Variants in RAI1 observed in about 807,000 individuals in gnomAD.
RAI1 encodes the protein retinoic acid-induced protein 1.
Under a neutral mutation model 123.8 loss-of-function variants are expected in RAI1, and 9 were observed. That is an observed-to-expected ratio of 0.07 (90% CI 0.04 to 0.13). The LOEUF is 0.13. RAI1 is among the 10% of genes least tolerant of loss of function. The pLI is 1.00. For missense variants in RAI1, 2,256 were observed against 2,545.8 expected, an observed-to-expected ratio of 0.89 and a Z score of 2.45; for synonymous variants, 1,231 against 1,127.3, an observed-to-expected ratio of 1.09 and a Z score of -1.84.
intron 2 of RAI1, among the ~76,000 whole-genome samples, chr17:17,769,207 A>AG (rs2031051603): frequency 6.6e-6 from 1 of 152,264 alleles, no homozygotes; most frequent in African/African-American, 2.4e-5. Flanking sequence ...CAGAAGAGCC[A>AG]GGGTATCTGA....
chr17:17,770,006 T>G (rs1478166731), intron 2 of RAI1, among the ~76,000 whole-genome samples: 1 of 152,034 alleles, frequency 6.6e-6, no homozygotes, highest in African/African-American at 2.4e-5. Flanking sequence ...GGGGGGGCCC[T>G]GCCCAGGGTG....
At position 17,798,178 on chromosome 17, in the gene RAI1, G is replaced by A. The variant is rs1479535453; in HGVS notation, c.5230G>A (p.Glu1744Lys). 8.1e-6 allele frequency: 13 copies of A among 1,612,532 alleles called. No homozygotes were observed. The highest frequency in any genetic ancestry group is 2.7e-5 in the African/African-American group (2 of 74,942). ...GCTTGAGAGAACACTCAAAGGTCCC[G>A]AGTGTGCAGCTGCCGCCACTGCCGG... ...LPLERTLKGP[E>K]CAAAATAGKP... is the part of the protein sequence containing the mutation. Residue 1744 changes from glutamate (E) to lysine (K), a missense_variant, in exon 3 of 6, where the codon GAG (glutamate) becomes AAG (lysine). Coordinates refer to ENST00000353383, the MANE Select transcript of RAI1 (RefSeq NM_030665.4).
chr17:17,783,746 C>T (rs1489336667), intron 2 of RAI1, among the ~76,000 whole-genome samples: 2 of 151,146 alleles, frequency 1.3e-5, no homozygotes, highest in Admixed American at 6.6e-5. Context: ...CGGTGACCCC[C>T]CTCCACCTCG....
rs1410351375 is a variant in RAI1, at chr17:17,804,098, CATAAATTACAAT to C, written c.5659+250_5659+261del. 8.7e-6 allele frequency: 5 copies of C among 577,780 alleles called. No individual in the cohort carries two copies. The East Asian group carries it at 1.6e-4, about 18-fold the overall frequency. The allele number at this position is 577,780 out of a possible 1,614,324, so 35.8% of individuals were successfully genotyped here. ...CCAGAGCAGTGAGGGAAGATAGAAGCATAAATTACAATGTGGAATGCTGTCTGCGGAGCCATC... is the reference window on the plus strand; with the variant it reads ...CCAGAGCAGTGAGGGAAGATAGAAGCGTGGAATGCTGTCTGCGGAGCCATC... On this transcript the variant is annotated intron_variant, in intron 4 of 5. Transcript: ENST00000353383.
At chr17:17,780,528 C>A (rs1598075649) in intron 2 of RAI1, among the ~76,000 whole-genome samples, 1 of 152,196 alleles carries the variant, frequency 6.6e-6, no homozygotes. Context: ...GGGCCTAGGA[C>A]AGGGGGACCA....
At chr17:17,770,988 G>C (rs1027522542) in intron 2 of RAI1, among the ~76,000 whole-genome samples, 1 of 152,148 alleles carries the variant, frequency 6.6e-6, no homozygotes, top group Non-Finnish European at 1.5e-5. Flanking sequence ...AGAATTCCTG[G>C]GGGTGTCTGG....
intron 4 of RAI1, 75 bp downstream of exon 4, chr17:17,803,924 C>A (rs892350973): frequency 7.3e-7 from 1 of 1,377,560 alleles, no homozygotes; most frequent in Non-Finnish European, 1.0e-6. Context: ...CTGGGCACAG[C>A]TCCCCAAACC....
chr17:17,762,673 C>T (rs2030753001), intron 2 of RAI1, among the ~76,000 whole-genome samples: 1 of 152,156 alleles, frequency 6.6e-6, no homozygotes, highest in Admixed American at 6.5e-5. Flanking sequence ...GGTTTGATCC[C>T]AGTCATTTCT....
rs567198768 is a variant in RAI1 at position 17,709,966 on chromosome 17, A to G, written c.-148-14062A>G. ...CCCTGTGGCGGCGCACCTCACGCTC[A>G]TTCACAGTACACGGACATGCTCACC... On this transcript the variant is annotated intron_variant, in intron 1 of 5. Transcript: ENST00000353383. 1.8e-4 allele frequency among the ~76,000 whole-genome samples: 28 copies of G among 152,276 alleles called. No homozygotes were observed. The East Asian group carries it at 5.4e-3, about 29-fold the overall frequency.
rs147353354 is a variant in RAI1 at position 17,721,683 on chromosome 17, C to T, written c.-148-2345C>T. Among the ~76,000 whole-genome samples, 1,223 of 152,282 alleles carry T rather than the reference C, an allele frequency of 8.0e-3. 12 individuals carry two copies. The highest frequency in any genetic ancestry group is 0.027 in the African/African-American group (1,140 of 41,538). On this transcript the variant is annotated intron_variant, in intron 1 of 5. Transcript: ENST00000353383. ...TCCCCAGCGGGCATTTGGGCTTTTCCGTTGCCACCTTAATGGTATACACAA... is the reference window on the plus strand; with the variant it reads ...TCCCCAGCGGGCATTTGGGCTTTTCTGTTGCCACCTTAATGGTATACACAA...
At chr17:17,738,034 G>A (rs1916494766) in intron 2 of RAI1, among the ~76,000 whole-genome samples, 1 of 152,178 alleles carries the variant, frequency 6.6e-6, no homozygotes, top group Admixed American at 6.5e-5. Flanking sequence ...GGCTTCACAT[G>A]CTGGTGGGTG....
At chr17:17,729,501 G>A (rs564318020) in intron 2 of RAI1, among the ~76,000 whole-genome samples, 7 of 152,296 alleles carry the variant, frequency 4.6e-5, no homozygotes, top group African/African-American at 1.7e-4. Context: ...ACTGTGGCTT[G>A]GCCACACCCA....
At position 17,810,108 on chromosome 17, in the gene RAI1, T is replaced by A. The variant is rs2143007057; in HGVS notation, c.*127T>A. The A allele has an allele frequency of 1.5e-6, 2 of 1,299,946 alleles. No homozygotes were observed. The highest frequency in any genetic ancestry group is 1.0e-6 in the Non-Finnish European group (1 of 968,312). The allele number at this position is 1,299,946 out of a possible 1,614,324, so 80.5% of individuals were successfully genotyped here. A position where few individuals can be genotyped will look rare whatever the true frequency, so the allele number is the denominator to read the frequency against. ...CCAGCGCTGGTCCAGAGCCGATCCT[T>A]GATCCGGGTCCCGGATCGTGGATCC... On this transcript the variant is annotated 3_prime_UTR_variant, in exon 6 of 6. Transcript: ENST00000353383. The surrounding 1 kb of genome is among the most constrained non-coding windows in gnomAD (Gnocchi z 4.6).
intron 1 of RAI1, among the ~76,000 whole-genome samples, chr17:17,696,358 G>A (rs1050250413): frequency 6.6e-6 from 1 of 151,812 alleles, no homozygotes; most frequent in African/African-American, 2.4e-5. Flanking sequence ...AAATTCACCC[G>A]TACTCTCAGT....
At chr17:17,773,590 T>G (rs934238242) in intron 2 of RAI1, among the ~76,000 whole-genome samples, 1 of 152,168 alleles carries the variant, frequency 6.6e-6, no homozygotes, top group Non-Finnish European at 1.5e-5. Context: ...CTTTGCAGTT[T>G]CTCTGGGGAT....
chr17:17,713,406 G>T (rs1438130686), intron 1 of RAI1, among the ~76,000 whole-genome samples: 2 of 152,150 alleles, frequency 1.3e-5, no homozygotes, highest in Non-Finnish European at 2.9e-5. Context: ...TTGGGAGGCC[G>T]AGGTGCACGG....
intron 2 of RAI1, among the ~76,000 whole-genome samples, chr17:17,746,262 A>C (rs2029912633): frequency 6.6e-6 from 1 of 152,186 alleles, no homozygotes; most frequent in Non-Finnish European, 1.5e-5. Context: ...AGAATGAAAG[A>C]CCTTGTCACA....
In RAI1 at chr17:17,797,274, G is replaced by A; in HGVS notation, c.4326G>A (p.Leu1442=). The A allele has an allele frequency of 6.2e-7, 1 of 1,613,124 alleles. No homozygotes were observed. The highest frequency in any genetic ancestry group is 8.5e-7 in the Non-Finnish European group (1 of 1,180,032). ...PEALQPGGTA[L]APKKRSRKGR... is the part of the protein sequence containing the mutation. ...CCCTGCAGCCTGGGGGGACTGCCCT[G>A]GCGCCTAAGAAGAGGAGCCGGAAAG... Residue 1442 remains leucine, a synonymous_variant, in exon 3 of 6, where the codon CTG becomes CTA. Coordinates refer to ENST00000353383, the MANE Select transcript of RAI1 (RefSeq NM_030665.4).
chr17:17,769,814 C>T (rs988418676), intron 2 of RAI1, among the ~76,000 whole-genome samples: 7 of 152,204 alleles, frequency 4.6e-5, no homozygotes, highest in African/African-American at 7.2e-5. Flanking sequence ...AAGGACCCTG[C>T]ACCCCGGCCA....
Sources: allele counts gnomAD v4.1 joint callset (sites outside exome capture counted in the v4.1 genomes callset), GRCh38; gene constraint gnomAD v4.1.1; non-coding constraint Gnocchi (gnomAD v3.1); transcripts MANE v1.5; gene names NCBI Gene and HGNC (gene_info 2026-07-23, HGNC 2026-07-21).